Variants in TENM4 observed in about 807,000 individuals in gnomAD.
The protein encoded by TENM4 is teneurin-4.
Under a neutral mutation model 243.3 loss-of-function variants are expected in TENM4, and 82 were observed. The ratio of observed to expected loss-of-function variants is 0.34; its 90% CI spans 0.28 to 0.40. TENM4 has a LOEUF of 0.40. TENM4 is among the 10% of genes least tolerant of loss of function. The probability of loss-of-function intolerance (pLI) is 1.00; values close to 1 mark genes in which losing one functional copy is unlikely to be tolerated. For synonymous variants in TENM4, 1,412 were observed against 1,456.3 expected (o/e 0.97, Z 0.69); for missense variants, 3,138 against 3,673.3 (o/e 0.85, Z 3.77).
At chr11:78,686,367 C>T (rs1023156095) in intron 29 of TENM4, among the ~76,000 whole-genome samples, 3 of 152,128 alleles carry the variant, frequency 2.0e-5, no homozygotes, top group African/African-American at 7.2e-5. Flanking sequence ...TCGTCTATAC[C>T]CTTGGTAATG....
chr11:78,859,156 C>T lies in TENM4; in HGVS notation c.1256-2978G>A, dbSNP rs368390785. Among the ~76,000 whole-genome samples the T allele has an allele frequency of 9.9e-5, 15 of 152,190 alleles. No individual in the cohort carries two copies. The South Asian group carries it at 3.1e-3, about 32-fold the overall frequency. ...CAGCAGGCTAAATATCAGAGCTTGA[C>T]CAGGTAGATCCAAGGCCCATTAAAA... On this transcript the variant is annotated intron_variant, in intron 10 of 33. Transcript: ENST00000278550.
intron 6 of TENM4, among the ~76,000 whole-genome samples, chr11:79,058,484 CAG>C (rs1318657232): frequency 6.7e-6 from 1 of 150,066 alleles, no homozygotes; most frequent in East Asian, 2.0e-4. Flanking sequence ...GGCGGAGTTG[CAG>C]TGAGCTGAGA....
intron 4 of TENM4, among the ~76,000 whole-genome samples, chr11:79,129,573 G>A (rs1011660342): frequency 1.3e-5 from 2 of 152,116 alleles, no homozygotes; most frequent in African/African-American, 2.4e-5. Flanking sequence ...CTGGCCCTTG[G>A]GTTTGCATGG....
intron 18 of TENM4, among the ~76,000 whole-genome samples, chr11:78,769,933 G>T (rs1856613269): frequency 6.6e-6 from 1 of 152,202 alleles, no homozygotes; most frequent in South Asian, 2.1e-4. Flanking sequence ...TGGGGTTTGA[G>T]AATCCCTCTA....
intron 3 of TENM4, among the ~76,000 whole-genome samples, chr11:79,204,134 G>C (rs141138113): frequency 6.6e-6 from 1 of 152,092 alleles, no homozygotes; most frequent in Non-Finnish European, 1.5e-5. Context: ...AGAAATCTGG[G>C]GTGACTGTTA....
At chr11:78,796,184 C>T (rs1162661258) in intron 15 of TENM4, among the ~76,000 whole-genome samples, 1 of 152,136 alleles carries the variant, frequency 6.6e-6, no homozygotes, top group African/African-American at 2.4e-5. Flanking sequence ...TACAAAGCAC[C>T]TACCACAGGA....
intron 6 of TENM4, among the ~76,000 whole-genome samples, chr11:78,922,151 G>A (rs1856461973): frequency 6.6e-6 from 1 of 152,218 alleles, no homozygotes; most frequent in African/African-American, 2.4e-5. Flanking sequence ...GCGCTCTGCA[G>A]AACATTTCTA....
chr11:79,432,508 T>C (rs956392954), intron 1 of TENM4, among the ~76,000 whole-genome samples: 4 of 152,214 alleles, frequency 2.6e-5, no homozygotes, highest in Admixed American at 1.3e-4. Flanking sequence ...ACCTCATCAA[T>C]ACAAGCCCTT....
rs145606823 is a variant in TENM4 at position 79,002,405 on chromosome 11, T to C, written c.493+62333A>G. Among the ~76,000 whole-genome samples, 820 of 152,304 alleles carry C rather than the reference T, an allele frequency of 5.4e-3. 2 individuals carry two copies. The highest frequency in any genetic ancestry group is 8.7e-3 in the Non-Finnish European group (592 of 68,026). On this transcript the variant is annotated intron_variant, in intron 6 of 33. Coordinates refer to ENST00000278550, the MANE Select transcript of TENM4 (RefSeq NM_001098816.3). ...GAGGTGCTCTGGCTGGCACCACCCA[T>C]TGGAGTGTTGTGGCCAGTGAACTGG...
chr11:79,310,706 A>G (rs536076495), intron 1 of TENM4, among the ~76,000 whole-genome samples: 143 of 152,304 alleles, frequency 9.4e-4, no homozygotes, highest in Non-Finnish European at 1.6e-3. Flanking sequence ...CAGCTGAGGC[A>G]GGGGAGCTTG....
intron 28 of TENM4, among the ~76,000 whole-genome samples, chr11:78,701,101 G>A (rs556592942): frequency 6.6e-6 from 1 of 152,282 alleles, no homozygotes; most frequent in South Asian, 2.1e-4. Flanking sequence ...CTTCAATTAT[G>A]TGGAAAATTC....
rs1280560528 is a variant in TENM4, at chr11:78,653,942, A to G, written c.*4116T>C. The G allele has an allele frequency of 6.6e-6, 1 of 152,254 alleles. No homozygotes were observed. Among genetic ancestry groups the G allele is most frequent in the Non-Finnish European group, 1.5e-5 (1 of 68,050 alleles). 9.4% of individuals were successfully genotyped at this position (152,254 alleles called of 1,614,324 possible). Reference sequence around the variant, plus strand: ...GTGAATGTGAAGGTTGGAGAGGATAAGGTTTCTCTCTATCACCTCAGCAAT... The same window carrying G: ...GTGAATGTGAAGGTTGGAGAGGATAGGGTTTCTCTCTATCACCTCAGCAAT... On this transcript the variant is annotated 3_prime_UTR_variant, in exon 34 of 34. Coordinates refer to ENST00000278550, the MANE Select transcript of TENM4 (RefSeq NM_001098816.3).
At chr11:78,941,304 T>TAC (rs148068649) in intron 6 of TENM4, among the ~76,000 whole-genome samples, 1,998 of 152,348 alleles carry the variant, frequency 0.013, 10 homozygotes, top group Middle Eastern at 0.017. Context: ...CTTAGCACCT[T>TAC]ACGTGCTTAG....
chr11:79,029,745 A>G (rs1323076627), intron 6 of TENM4, among the ~76,000 whole-genome samples: 2 of 152,186 alleles, frequency 1.3e-5, no homozygotes, highest in Non-Finnish European at 2.9e-5. Context: ...GGGAGGGCAT[A>G]AAACGGGACA....
At chr11:78,973,667 A>C (rs936985228) in intron 6 of TENM4, among the ~76,000 whole-genome samples, 1 of 152,100 alleles carries the variant, frequency 6.6e-6, no homozygotes, top group Non-Finnish European at 1.5e-5. Flanking sequence ...AGTGAAAGAA[A>C]ACATCAATGA....
chr11:79,039,906 T>C (rs559370382), intron 6 of TENM4, among the ~76,000 whole-genome samples: 1 of 152,334 alleles, frequency 6.6e-6, no homozygotes, highest in South Asian at 2.1e-4. Context: ...AGACATGTAC[T>C]CAGTGCTTGC....
intron 6 of TENM4, chr11:79,021,562 G>C (rs549575490): frequency 1.3e-5 from 2 of 152,274 alleles, no homozygotes; most frequent in Admixed American, 6.5e-5. Flanking sequence ...CTGCTTCCAG[G>C]GGGTGTTCAT....
At chr11:78,793,020 A>G (rs1166492285) in intron 15 of TENM4, among the ~76,000 whole-genome samples, 1 of 152,216 alleles carries the variant, frequency 6.6e-6, no homozygotes, top group South Asian at 2.1e-4. Context: ...CAAAAAATGT[A>G]TATGTACAGG....
intron 4 of TENM4, among the ~76,000 whole-genome samples, chr11:79,140,793 A>G (rs1007070735): frequency 5.9e-5 from 9 of 152,118 alleles, no homozygotes; most frequent in Non-Finnish European, 1.3e-4. Flanking sequence ...CTTTGGCATG[A>G]CAGTCGTCTT....
Sources: gnomAD v4.1 joint callset for allele counts (sites outside exome capture counted in the v4.1 genomes callset) on GRCh38, gnomAD v4.1.1 for gene constraint, MANE v1.5 for transcripts, NCBI Gene and HGNC (gene_info 2026-07-23, HGNC 2026-07-21) for gene names.